ZNF536: variants seen among roughly 807,000 people sequenced by gnomAD.
ZNF536 encodes the protein zinc finger protein 536.
In ZNF536, 13 loss-of-function variants were observed where a neutral mutation model predicts 84.5. That is an observed-to-expected ratio of 0.15 (90% CI 0.10 to 0.24). ZNF536 has a LOEUF of 0.24. ZNF536 is among the 10% of genes least tolerant of loss of function. The pLI is 1.00. For missense variants in ZNF536, 1,536 were observed against 1,747.5 expected (o/e 0.88, Z 2.16); for synonymous variants, 811 against 742.5 (o/e 1.09, Z -1.50).
chr19:30,447,902 AAATG>A (rs2052427539), intron 2 of ZNF536, among the ~76,000 whole-genome samples: 1 of 152,188 alleles, frequency 6.6e-6, no homozygotes, highest in Non-Finnish European at 1.5e-5. Flanking sequence ...TTCTGACACC[AAATG>A]TTCAGCTTCA....
intron 1 of ZNF536, among the ~76,000 whole-genome samples, chr19:30,686,579 G>A (rs1469424477): frequency 3.3e-5 from 5 of 152,198 alleles, no homozygotes; most frequent in African/African-American, 1.2e-4. Context: ...CAGCCAGCCT[G>A]CTCTTCGTCC....
intron 1 of ZNF536, among the ~76,000 whole-genome samples, chr19:30,428,561 T>G (rs1030588441): frequency 6.6e-6 from 1 of 152,096 alleles, no homozygotes; most frequent in African/African-American, 2.4e-5. Flanking sequence ...TGCTGAAGGC[T>G]GCTTGCAGCT....
chr19:30,573,679 G>A (rs866859900), intron 1 of ZNF536, among the ~76,000 whole-genome samples: 1 of 152,166 alleles, frequency 6.6e-6, no homozygotes, highest in African/African-American at 2.4e-5. Context: ...TTCCTTTTAG[G>A]TATCACATGG....
At chr19:30,320,921 C>T (rs1210994136) in intron 2 of ZNF536, among the ~76,000 whole-genome samples, 6 of 152,152 alleles carry the variant, frequency 3.9e-5, no homozygotes, top group South Asian at 4.1e-4. Flanking sequence ...CCACAGAATA[C>T]GTATTGAATG....
chr19:30,688,754 G>A (rs2051294563), intron 1 of ZNF536, among the ~76,000 whole-genome samples: 1 of 152,198 alleles, frequency 6.6e-6, no homozygotes, highest in Non-Finnish European at 1.5e-5. Flanking sequence ...GTGCCTGAGA[G>A]GAGCTGAGTT....
upstream of ZNF536, among the ~76,000 whole-genome samples, chr19:30,226,258 C>G (rs1356121377): frequency 1.3e-5 from 2 of 152,142 alleles, no homozygotes; most frequent in African/African-American, 2.4e-5. This position sits in a 1 kb window ranked among gnomAD's most constrained non-coding sequence, Gnocchi z 4.6. Context: ...TAGGCTGGGG[C>G]CGCGGAAACT....
At chr19:30,302,310 C>T (rs548157473) in intron 2 of ZNF536, among the ~76,000 whole-genome samples, 81 of 152,280 alleles carry the variant, frequency 5.3e-4, no homozygotes, top group Admixed American at 1.3e-3. Flanking sequence ...AGGTGGGGAA[C>T]GTGCTGGGAG....
intron 1 of ZNF536, among the ~76,000 whole-genome samples, chr19:30,409,475 A>G (rs1295311945): frequency 1.3e-5 from 2 of 152,356 alleles, no homozygotes; most frequent in East Asian, 3.9e-4. Flanking sequence ...CCTTGGCAGC[A>G]GACAAGGAAG....
intron 1 of ZNF536, among the ~76,000 whole-genome samples, chr19:30,268,405 A>G (rs1490596535): frequency 6.6e-6 from 1 of 152,158 alleles, no homozygotes; most frequent in Non-Finnish European, 1.5e-5. Context: ...TACCTATATA[A>G]GGGTATAGTC....
intron 1 of ZNF536, among the ~76,000 whole-genome samples, chr19:30,248,498 C>T (rs1416114556): frequency 3.3e-5 from 5 of 151,734 alleles, no homozygotes; most frequent in Non-Finnish European, 7.4e-5. Flanking sequence ...CCCACCCGCA[C>T]CTCCCAAATT....
At chr19:30,443,444 T>C in intron 1 of ZNF536, 117 bp from the exon 2 acceptor site, 1 of 1,376,554 alleles carries the variant, frequency 7.3e-7, no homozygotes, top group East Asian at 2.5e-5. Context: ...CAAGAATTCC[T>C]TAGCATGATT....
At chr19:30,417,750 T>C (rs1294724225) in intron 1 of ZNF536, among the ~76,000 whole-genome samples, 1 of 152,200 alleles carries the variant, frequency 6.6e-6, no homozygotes, top group African/African-American at 2.4e-5. Flanking sequence ...AAGGACATGT[T>C]TTGGGGGTCG....
intron 1 of ZNF536, among the ~76,000 whole-genome samples, chr19:30,411,748 T>A (rs181451284): frequency 6.6e-6 from 1 of 152,250 alleles, no homozygotes; most frequent in African/African-American, 2.4e-5. Flanking sequence ...TGTCTTTTTA[T>A]TCTTTCTTAA....
chr19:30,259,688 G>T (rs2025096645), intron 1 of ZNF536, among the ~76,000 whole-genome samples: 2 of 152,198 alleles, frequency 1.3e-5, no homozygotes, highest in South Asian at 4.1e-4. Flanking sequence ...CTACAAGCCT[G>T]TAGACCCAGT....
At chr19:30,409,955 T>C (rs1170119128) in intron 1 of ZNF536, among the ~76,000 whole-genome samples, 7 of 152,128 alleles carry the variant, frequency 4.6e-5, no homozygotes, top group African/African-American at 4.8e-5. Context: ...GGTTTCCTTT[T>C]GGGTATTTGA....
At chr19:30,641,160 G>A (rs747836452) in intron 1 of ZNF536, among the ~76,000 whole-genome samples, 21 of 152,156 alleles carry the variant, frequency 1.4e-4, no homozygotes, top group Admixed American at 1.2e-3. Context: ...CACAAAAAAT[G>A]GAAGTTAACT....
intron 1 of ZNF536, among the ~76,000 whole-genome samples, chr19:30,693,985 C>T (rs186207194): frequency 1.1e-4 from 17 of 152,240 alleles, no homozygotes; most frequent in African/African-American, 3.9e-4. Context: ...CCCATATGGC[C>T]CCCCCAACCC....
At chr19:30,646,601 G>C (rs1187224311) in intron 1 of ZNF536, among the ~76,000 whole-genome samples, 3 of 152,224 alleles carry the variant, frequency 2.0e-5, no homozygotes, top group Non-Finnish European at 4.4e-5. Context: ...CCAGACCACA[G>C]TGCTTTAGCT....
intron 2 of ZNF536, among the ~76,000 whole-genome samples, chr19:30,474,617 T>C (rs1309222320): frequency 6.6e-6 from 1 of 152,134 alleles, no homozygotes; most frequent in African/African-American, 2.4e-5. Flanking sequence ...GCCCCTGAAG[T>C]GGTACATTAA....
Sources: allele counts gnomAD v4.1 joint callset (sites outside exome capture counted in the v4.1 genomes callset), GRCh38; gene constraint gnomAD v4.1.1; non-coding constraint Gnocchi (gnomAD v3.1); transcripts MANE v1.5; gene names NCBI Gene and HGNC (gene_info 2026-07-23, HGNC 2026-07-21).